Variants in DLGAP2 observed in about 807,000 individuals in gnomAD.
DLGAP2 encodes the protein disks large-associated protein 2.
In DLGAP2, 26 loss-of-function variants were observed where a neutral mutation model predicts 100.3. The observed-to-expected ratio is 0.26, with a 90% CI of 0.19 to 0.36. The LOEUF (loss-of-function observed/expected upper bound fraction) is 0.36. Ranked by LOEUF, DLGAP2 falls within the 10% of genes least tolerant of loss-of-function variation. DLGAP2 has a pLI of 1.00. For synonymous variants in DLGAP2, 886 were observed against 630.1 expected, an observed-to-expected ratio of 1.41 and a Z score of -6.08; for missense variants, 1,858 against 1,453.2, an observed-to-expected ratio of 1.28 and a Z score of -4.53.
chr8:1,466,005 C>A (rs1336424783), intron 3 of DLGAP2, among the ~76,000 whole-genome samples: 1 of 152,130 alleles, frequency 6.6e-6, no homozygotes, highest in African/African-American at 2.4e-5. Context: ...ACAGCAGAGG[C>A]CGTGGGAGTC....
chr8:1,339,399 CA>C (rs1365375470), intron 3 of DLGAP2, among the ~76,000 whole-genome samples: 1 of 152,142 alleles, frequency 6.6e-6, no homozygotes, highest in Admixed American at 6.5e-5. Flanking sequence ...GGAGGGAATG[CA>C]GTGACCTCAG....
At chr8:1,043,897 G>T (rs535473129) in intron 2 of DLGAP2, among the ~76,000 whole-genome samples, 2 of 152,078 alleles carry the variant, frequency 1.3e-5, no homozygotes, top group African/African-American at 4.8e-5. Flanking sequence ...CTCCAGGAAG[G>T]CAGGTGTGGA....
chr8:883,417 T>C (rs1041664112), intron 1 of DLGAP2: 1 of 152,148 alleles, frequency 6.6e-6, no homozygotes, highest in Non-Finnish European at 1.5e-5. Flanking sequence ...CCTGGTCACA[T>C]AGAAATTTAG....
intron 2 of DLGAP2, among the ~76,000 whole-genome samples, chr8:1,182,034 C>G (rs1057215237): frequency 6.6e-6 from 1 of 152,226 alleles, no homozygotes; most frequent in African/African-American, 2.4e-5. Context: ...GAGGTTGCAG[C>G]CTCTGTGCTG....
At chr8:1,212,201 T>G (rs375900335) in intron 2 of DLGAP2, among the ~76,000 whole-genome samples, 2 of 152,190 alleles carry the variant, frequency 1.3e-5, no homozygotes, top group South Asian at 2.1e-4. Context: ...TCATGATCTT[T>G]CAATCTTTCA....
At chr8:843,205 TC>T (rs1385554888) in intron 1 of DLGAP2, among the ~76,000 whole-genome samples, 1 of 152,236 alleles carries the variant, frequency 6.6e-6, no homozygotes, top group East Asian at 1.9e-4. Flanking sequence ...TTTTCCGACT[TC>T]CTAGAGCTCT....
chr8:1,025,393 G>C (rs1337435673), intron 2 of DLGAP2, among the ~76,000 whole-genome samples: 1 of 152,098 alleles, frequency 6.6e-6, no homozygotes, highest in Non-Finnish European at 1.5e-5. Flanking sequence ...CCCGGCATTG[G>C]GATGACAAAG....
At chr8:818,318 C>A (rs1236320178) in intron 1 of DLGAP2, among the ~76,000 whole-genome samples, 1 of 152,206 alleles carries the variant, frequency 6.6e-6, no homozygotes, top group South Asian at 2.1e-4. Flanking sequence ...CACTCCCACG[C>A]AGCCCGCTGT....
In DLGAP2 at chr8:796,006, G is replaced by C. The variant is rs1000021760; in HGVS notation, c.18+58181G>C. Among the ~76,000 whole-genome samples the C allele has an allele frequency of 3.4e-4, 48 of 141,136 alleles. 1 individual carries two copies. The highest frequency in any genetic ancestry group is 1.2e-3 in the African/African-American group (43 of 37,074). The allele number at this position is 141,136 out of a possible 152,430, so 92.6% of individuals were successfully genotyped here. ...GAGAGCAGCTGTCCAGTGAGAGCAG[G>C]CGTCCAGTGAGAGCAGGCATCCAGT... On this transcript the variant is annotated intron_variant, in intron 1 of 14. Coordinates refer to ENST00000637795, the MANE Select transcript of DLGAP2 (RefSeq NM_001346810.2).
intron 6 of DLGAP2, among the ~76,000 whole-genome samples, chr8:1,615,335 G>C (rs188302214): frequency 3.2e-4 from 49 of 152,286 alleles, no homozygotes; most frequent in Non-Finnish European, 6.9e-4. Context: ...ACCAAAATTA[G>C]CACACATTGG....
intron 11 of DLGAP2, 129 bp downstream of exon 11, chr8:1,676,747 A>C: frequency 1.2e-6 from 1 of 869,252 alleles, no homozygotes; most frequent in Non-Finnish European, 1.8e-6. Context: ...CCATACGTTT[A>C]TACTTTTCCA....
chr8:1,226,635 T>C (rs1165421234), intron 2 of DLGAP2, among the ~76,000 whole-genome samples: 3 of 152,130 alleles, frequency 2.0e-5, no homozygotes, highest in Non-Finnish European at 2.9e-5. Flanking sequence ...AAATGAAATA[T>C]GGGCAAAGGA....
intron 2 of DLGAP2, among the ~76,000 whole-genome samples, chr8:1,056,660 G>A (rs1014919107): frequency 6.6e-6 from 1 of 152,238 alleles, no homozygotes; most frequent in African/African-American, 2.4e-5. Context: ...ACAGGGATGC[G>A]TTAGCACTGT....
intron 1 of DLGAP2, among the ~76,000 whole-genome samples, chr8:897,189 C>G (rs1249138301): frequency 6.6e-6 from 1 of 152,152 alleles, no homozygotes; most frequent in East Asian, 1.9e-4. Flanking sequence ...AAAACATGAT[C>G]GTGGCCTCGC....
At chr8:1,316,879 C>T (rs1169076283) in intron 3 of DLGAP2, among the ~76,000 whole-genome samples, 1 of 137,550 alleles carries the variant, frequency 7.3e-6, no homozygotes, top group Non-Finnish European at 1.5e-5. Flanking sequence ...AGAAACTCGG[C>T]AGCTTTTAAA....
At chr8:920,210 G>A (rs1798678598) in intron 2 of DLGAP2, among the ~76,000 whole-genome samples, 1 of 152,178 alleles carries the variant, frequency 6.6e-6, no homozygotes, top group Admixed American at 6.5e-5. Flanking sequence ...TGGTGCCCAG[G>A]GTCGTGCTGG....
chr8:1,027,627 G>A (rs1407953686), intron 2 of DLGAP2, among the ~76,000 whole-genome samples: 5 of 146,976 alleles, frequency 3.4e-5, no homozygotes, highest in African/African-American at 5.1e-5. Flanking sequence ...GGTGTCAGGC[G>A]CCCGTTATTC....
chr8:819,473 T>C (rs1796545416), intron 1 of DLGAP2, among the ~76,000 whole-genome samples: 1 of 152,214 alleles, frequency 6.6e-6, no homozygotes, highest in Non-Finnish European at 1.5e-5. Context: ...ATTACTATTA[T>C]TCCATTTCTT....
chr8:1,388,061 G>C (rs980507967), intron 3 of DLGAP2, among the ~76,000 whole-genome samples: 1 of 152,258 alleles, frequency 6.6e-6, no homozygotes, highest in Non-Finnish European at 1.5e-5. Flanking sequence ...GCTGGGGCTA[G>C]TGTCAGCGTC....
Sources: gnomAD v4.1 joint callset for allele counts (sites outside exome capture counted in the v4.1 genomes callset) on GRCh38, gnomAD v4.1.1 for gene constraint, MANE v1.5 for transcripts, NCBI Gene and HGNC (gene_info 2026-07-23, HGNC 2026-07-21) for gene names.